NOL4: variants seen among roughly 807,000 people sequenced by gnomAD.
The protein encoded by NOL4 is cancer/testis antigen 125.
NOL4 carries 17 observed loss-of-function variants against 75.9 expected under a neutral mutation model. The ratio of observed to expected loss-of-function variants is 0.22; its 90% CI spans 0.15 to 0.34. The LOEUF (loss-of-function observed/expected upper bound fraction) is 0.34, where lower values mean the gene tolerates loss of function less well. NOL4 is among the 10% of genes least tolerant of loss of function. NOL4 has a pLI of 1.00. For synonymous variants in NOL4, 292 were observed against 289.9 expected, an observed-to-expected ratio of 1.01 and a Z score of -0.07; for missense variants, 614 against 793.5, an observed-to-expected ratio of 0.77 and a Z score of 2.72.
At position 34,148,114 on chromosome 18, in the gene NOL4, T is replaced by G. The variant is rs868684019; in HGVS notation, c.265-18094A>C. ...GTTTGATTCTTCTCTATTTTCTTGT[T>G]TGTCTGGCTAGCGATCTGTCTATTT... On this transcript the variant is annotated intron_variant, in intron 1 of 10. Transcript: ENST00000261592. 2.0e-5 allele frequency among the ~76,000 whole-genome samples: 3 copies of G among 152,100 alleles called. No individual in the cohort carries two copies. The South Asian group carries it at 6.2e-4, about 31-fold the overall frequency.
intron 1 of NOL4, among the ~76,000 whole-genome samples, chr18:34,214,173 A>C (rs1177811149): frequency 6.6e-6 from 1 of 152,216 alleles, no homozygotes; most frequent in Non-Finnish European, 1.5e-5. Flanking sequence ...GGTGTTATAA[A>C]TTAGAATAAG....
intron 5 of NOL4, among the ~76,000 whole-genome samples, chr18:34,060,044 C>T (rs997743179): frequency 6.6e-5 from 10 of 152,264 alleles, no homozygotes; most frequent in Middle Eastern, 3.4e-3. Flanking sequence ...AGAAGCATCA[C>T]CAGCTAAGCT....
intron 5 of NOL4, among the ~76,000 whole-genome samples, chr18:34,050,229 C>G (rs1263912525): frequency 6.6e-6 from 1 of 151,928 alleles, no homozygotes; most frequent in African/African-American, 2.4e-5. Flanking sequence ...AAAGTTATAG[C>G]ACCTGTTTTC....
At chr18:34,189,517 A>G (rs1377048022) in intron 1 of NOL4, among the ~76,000 whole-genome samples, 1 of 152,200 alleles carries the variant, frequency 6.6e-6, no homozygotes, top group East Asian at 1.9e-4. Flanking sequence ...TGTTTACTAT[A>G]TAAGAGGCCC....
At chr18:34,037,706 A>G (rs1407474755) in intron 5 of NOL4, among the ~76,000 whole-genome samples, 1 of 152,128 alleles carries the variant, frequency 6.6e-6, no homozygotes, top group Non-Finnish European at 1.5e-5. Flanking sequence ...TTAAATACTC[A>G]TATGCCAAAA....
chr18:33,852,793 T>C lies in NOL4; in HGVS notation c.*49A>G, dbSNP rs1327689037. On this transcript the variant is annotated 3_prime_UTR_variant, in exon 11 of 11. Coordinates refer to ENST00000261592, the MANE Select transcript of NOL4 (RefSeq NM_003787.5). ...CTCTGTTGGGAAATCAAAATGTCAT[T>C]AGTGGAAACTGCAAATTTAGACCTC... 1.3e-6 allele frequency: 2 copies of C among 1,500,028 alleles called. No individual in the cohort carries two copies. The highest frequency in any genetic ancestry group is 1.8e-5 in the Admixed American group (1 of 56,408). 92.9% of individuals were successfully genotyped at this position (1,500,028 alleles called of 1,614,324 possible). A position where few individuals can be genotyped will look rare whatever the true frequency, so the allele number is the denominator to read the frequency against.
chr18:34,064,918 A>AACAC (rs66465203), intron 5 of NOL4, among the ~76,000 whole-genome samples: 3,019 of 95,500 alleles, frequency 0.032, 26 homozygotes, highest in South Asian at 0.044. Flanking sequence ...GGTATTTTTT[A>AACAC]ACACACACAC....
At chr18:34,159,530 G>A (rs1471622276) in intron 1 of NOL4, among the ~76,000 whole-genome samples, 2 of 152,132 alleles carry the variant, frequency 1.3e-5, no homozygotes, top group Non-Finnish European at 2.9e-5. Flanking sequence ...CAGGGCCTGG[G>A]AGGCACGGTC....
intron 2 of NOL4, among the ~76,000 whole-genome samples, chr18:34,120,607 TC>T (rs1311397190): frequency 1.3e-5 from 2 of 152,140 alleles, no homozygotes; most frequent in Non-Finnish European, 2.9e-5. Context: ...TTTAGATAGT[TC>T]AAGTCAGTTT....
At chr18:33,900,698 C>A (rs1018211124) in intron 9 of NOL4, among the ~76,000 whole-genome samples, 1 of 152,168 alleles carries the variant, frequency 6.6e-6, no homozygotes. Context: ...CATCCTTCAC[C>A]AGATTATCTA....
chr18:34,134,622 G>A (rs148812533), intron 1 of NOL4, among the ~76,000 whole-genome samples: 273 of 151,690 alleles, frequency 1.8e-3, no homozygotes, highest in Middle Eastern at 3.4e-3. Context: ...TACAAGACTT[G>A]AACAATACTT....
intron 10 of NOL4, among the ~76,000 whole-genome samples, chr18:33,853,505 A>G (rs1431207106): frequency 6.6e-6 from 1 of 152,140 alleles, no homozygotes; most frequent in Non-Finnish European, 1.5e-5. Context: ...CAACTTAGCA[A>G]AAAGGAAACT....
chr18:34,186,327 T>A (rs2034457571), intron 1 of NOL4, among the ~76,000 whole-genome samples: 1 of 152,084 alleles, frequency 6.6e-6, no homozygotes, highest in Admixed American at 6.6e-5. Flanking sequence ...CCAATTAAAG[T>A]TTAAACTTCT....
intron 5 of NOL4, among the ~76,000 whole-genome samples, chr18:34,089,470 A>G (rs1347293779): frequency 6.6e-6 from 1 of 152,206 alleles, no homozygotes; most frequent in Non-Finnish European, 1.5e-5. Context: ...ACACTGTCTG[A>G]CACAGTAGCC....
intron 6 of NOL4, among the ~76,000 whole-genome samples, chr18:33,985,860 A>C (rs573030631): frequency 1.3e-5 from 2 of 152,260 alleles, no homozygotes; most frequent in African/African-American, 4.8e-5. Context: ...CTATTGCCTC[A>C]TCATAGACTT....
At chr18:34,088,888 C>T (rs1276344861) in intron 5 of NOL4, among the ~76,000 whole-genome samples, 1 of 151,976 alleles carries the variant, frequency 6.6e-6, no homozygotes, top group Non-Finnish European at 1.5e-5. Context: ...TACATTAATC[C>T]TGAAGCATTC....
chr18:34,094,818 A>G (rs1345657225), intron 4 of NOL4, among the ~76,000 whole-genome samples: 3 of 152,218 alleles, frequency 2.0e-5, no homozygotes, highest in African/African-American at 4.8e-5. Flanking sequence ...CAAACAATTT[A>G]TAGATGAAGA....
chr18:34,156,877 A>G (rs2030505885), intron 1 of NOL4, among the ~76,000 whole-genome samples: 1 of 152,092 alleles, frequency 6.6e-6, no homozygotes, highest in South Asian at 2.1e-4. Context: ...ATCATGGCCC[A>G]CAGAGTCATA....
intron 1 of NOL4, chr18:34,222,119 T>C (rs2037357456): frequency 1.3e-6 from 2 of 1,533,658 alleles, no homozygotes; most frequent in Non-Finnish European, 1.7e-6. Flanking sequence ...CTGCTGCGGC[T>C]CCCCAGCCCC....
Sources: gnomAD v4.1 joint callset for allele counts (sites outside exome capture counted in the v4.1 genomes callset) on GRCh38, gnomAD v4.1.1 for gene constraint, MANE v1.5 for transcripts, NCBI Gene and HGNC (gene_info 2026-07-23, HGNC 2026-07-21) for gene names.